Variants in CBLB observed in about 807,000 individuals in gnomAD.
CBLB encodes Cbl proto-oncogene B.
In CBLB, 31 loss-of-function variants were observed where a neutral mutation model predicts 104.9. The observed-to-expected ratio is 0.30, with a 90% CI of 0.22 to 0.40. The LOEUF (loss-of-function observed/expected upper bound fraction) is 0.40, where lower values mean the gene tolerates loss of function less well. CBLB is among the 10% of genes least tolerant of loss of function. CBLB has a pLI of 1.00. For missense variants in CBLB, 1,062 were observed against 1,214.6 expected (o/e 0.87, Z 1.87); for synonymous variants, 440 against 422.6 (o/e 1.04, Z -0.51).
intron 3 of CBLB, among the ~76,000 whole-genome samples, chr3:105,784,834 T>C (rs2080773193): frequency 6.6e-6 from 1 of 152,214 alleles, no homozygotes; most frequent in African/African-American, 2.4e-5. Flanking sequence ...TCTAGTGTCC[T>C]TTCCACCATT....
At chr3:105,827,529 C>G (rs748005640) in intron 3 of CBLB, among the ~76,000 whole-genome samples, 4 of 152,032 alleles carry the variant, frequency 2.6e-5, no homozygotes, top group Non-Finnish European at 4.4e-5. Context: ...ACGCCAGGAA[C>G]CTGGTCTCTG....
chr3:105,742,568 AGAGACCTAC>A (rs1412889069), intron 6 of CBLB, among the ~76,000 whole-genome samples: 5 of 152,210 alleles, frequency 3.3e-5, no homozygotes, highest in African/African-American at 1.2e-4. Context: ...ATAATGCCAC[AGAGACCTAC>A]GGCTATGATA....
chr3:105,725,481 C>T (rs1371311007), intron 9 of CBLB, among the ~76,000 whole-genome samples: 1 of 152,150 alleles, frequency 6.6e-6, no homozygotes, highest in Non-Finnish European at 1.5e-5. Flanking sequence ...AGTGGGCATC[C>T]ATCTAATTTA....
chr3:105,668,256 T>C (rs879458679), intron 18 of CBLB, among the ~76,000 whole-genome samples: 2 of 152,188 alleles, frequency 1.3e-5, no homozygotes, highest in Admixed American at 1.3e-4. Context: ...TGATTTGAAG[T>C]TCTTCCAGAC....
chr3:105,735,716 C>T (rs1272726866), intron 8 of CBLB, among the ~76,000 whole-genome samples: 4 of 151,984 alleles, frequency 2.6e-5, no homozygotes, highest in African/African-American at 7.2e-5. Context: ...TTTGGGAGGG[C>T]GAGGCGGGTG....
At chr3:105,685,490 T>C in intron 13 of CBLB, 24 bp from the exon 14 acceptor site, 2 of 1,603,776 alleles carry the variant, frequency 1.2e-6, no homozygotes, top group Non-Finnish European at 1.7e-6. Context: ...AAAAATCCAA[T>C]CTAGTTTAAG....
chr3:105,829,974 C>A (rs901734457), intron 3 of CBLB, among the ~76,000 whole-genome samples: 2 of 152,064 alleles, frequency 1.3e-5, no homozygotes, highest in African/African-American at 2.4e-5. Context: ...ACCCAAGGAT[C>A]CCAACTGTCA....
intron 13 of CBLB, among the ~76,000 whole-genome samples, chr3:105,686,188 A>G (rs781388619): frequency 3.3e-5 from 5 of 152,340 alleles, no homozygotes; most frequent in Middle Eastern, 3.4e-3. Flanking sequence ...TCACTTATCC[A>G]TAAGAGTAAA....
At chr3:105,762,392 C>T (rs910463105) in intron 4 of CBLB, 1 of 152,256 alleles carries the variant, frequency 6.6e-6, no homozygotes, top group Non-Finnish European at 1.5e-5. Flanking sequence ...TCATCACAGG[C>T]CTGGAGGCCT....
intron 2 of CBLB, among the ~76,000 whole-genome samples, chr3:105,855,530 A>C (rs1234166713): frequency 2.0e-5 from 3 of 152,326 alleles, no homozygotes; most frequent in Middle Eastern, 3.4e-3. Context: ...TAAATACAAT[A>C]TTTTTTAAAT....
chr3:105,858,101 C>G (rs886538848), intron 2 of CBLB, among the ~76,000 whole-genome samples: 1 of 152,132 alleles, frequency 6.6e-6, no homozygotes, highest in Non-Finnish European at 1.5e-5. Flanking sequence ...TACGAGAGAT[C>G]TGAAATAGGC....
chr3:105,679,014 T>A (rs2065981583), intron 16 of CBLB, among the ~76,000 whole-genome samples: 1 of 152,174 alleles, frequency 6.6e-6, no homozygotes, highest in African/African-American at 2.4e-5. Flanking sequence ...TATAATTTAA[T>A]GTCAAAGAAT....
At chr3:105,865,272 T>C (rs1167407033) in intron 2 of CBLB, among the ~76,000 whole-genome samples, 1 of 152,240 alleles carries the variant, frequency 6.6e-6, no homozygotes, top group Non-Finnish European at 1.5e-5. Context: ...CTATTTACTG[T>C]ATCTTACAGT....
chr3:105,687,970 A>C (rs1433737459), intron 13 of CBLB, among the ~76,000 whole-genome samples: 1 of 152,040 alleles, frequency 6.6e-6, no homozygotes, highest in East Asian at 1.9e-4. Context: ...TTTCCTCTAC[A>C]AACTCATTCA....
chr3:105,801,540 C>T (rs893768781), intron 3 of CBLB, among the ~76,000 whole-genome samples: 4 of 152,144 alleles, frequency 2.6e-5, no homozygotes, highest in Admixed American at 6.5e-5. Flanking sequence ...TTTCATTTTA[C>T]GAAGAACTTT....
intron 16 of CBLB, chr3:105,681,151 T>C (rs2066272387): frequency 2.6e-6 from 1 of 389,518 alleles, no homozygotes; most frequent in Non-Finnish European, 4.6e-6. Context: ...AGAATTATTA[T>C]ACTTAAAGAA....
chr3:105,752,278 C>G (rs2076663712), intron 4 of CBLB, among the ~76,000 whole-genome samples: 1 of 152,088 alleles, frequency 6.6e-6, no homozygotes, highest in African/African-American at 2.4e-5. Context: ...AAAATTTTAA[C>G]ATGTTATGCA....
At chr3:105,868,714 C>G in intron 1 of CBLB, 22 bp downstream of exon 1, 1 of 996,240 alleles carries the variant, frequency 1.0e-6, no homozygotes, top group East Asian at 9.1e-5. Flanking sequence ...GGAGCCTCCC[C>G]GGCGACCCCT....
At chr3:105,735,980 T>G (rs1031549871) in intron 8 of CBLB, among the ~76,000 whole-genome samples, 3 of 152,066 alleles carry the variant, frequency 2.0e-5, no homozygotes, top group African/African-American at 7.2e-5. Context: ...TTTATTAAAT[T>G]TACACGTACA....
Sources: allele counts gnomAD v4.1 joint callset (sites outside exome capture counted in the v4.1 genomes callset), GRCh38; gene constraint gnomAD v4.1.1; transcripts MANE v1.5; gene names NCBI Gene and HGNC (gene_info 2026-07-23, HGNC 2026-07-21).